The following ZNF585A variants were observed in gnomAD, a reference collection of about 807,000 sequenced individuals.
The protein encoded by ZNF585A is zinc finger protein 585A.
ZNF585A carries 9 observed loss-of-function variants against 14.9 expected under a neutral mutation model. The ratio of observed to expected loss-of-function variants is 0.60; its 90% CI spans 0.36 to 1.05. The LOEUF is 1.05. ZNF585A is among the 50% of genes least tolerant of loss of function. The pLI is 0.01. For missense variants in ZNF585A, 726 were observed against 926.4 expected, an observed-to-expected ratio of 0.78 and a Z score of 2.81; for synonymous variants, 276 against 319.9, an observed-to-expected ratio of 0.86 and a Z score of 1.46.
At chr19:37,154,997 CTTTT>C (rs756330115) in intron 4 of ZNF585A, among the ~76,000 whole-genome samples, 7 of 113,624 alleles carry the variant, frequency 6.2e-5, no homozygotes, top group African/African-American at 2.1e-4. Flanking sequence ...AAAGAAAGAT[CTTTT>C]TTTTTTTTTT....
intron 2 of ZNF585A, among the ~76,000 whole-genome samples, chr19:37,163,949 A>C (rs929754102): frequency 2.0e-5 from 3 of 152,170 alleles, no homozygotes; most frequent in Non-Finnish European, 4.4e-5. Context: ...AAGATGACCA[A>C]AGGCATATCT....
chr19:37,171,503 C>G (rs1972179555), intron 1 of ZNF585A, among the ~76,000 whole-genome samples: 1 of 152,176 alleles, frequency 6.6e-6, no homozygotes, highest in South Asian at 2.1e-4. Context: ...GCAACAATAT[C>G]CACTGCTGGA....
chr19:37,149,366 C>G lies in ZNF585A; in HGVS notation c.*2223G>C, dbSNP rs1020498724. ...ATACGGGTATATGCATATACATATA[C>G]GTAAGTATTATAATATTGTTACAAT... is the stretch of plus-strand genomic sequence containing the variant. On this transcript the variant is annotated 3_prime_UTR_variant, in exon 5 of 5. Coordinates refer to ENST00000292841, the MANE Select transcript of ZNF585A (RefSeq NM_001288800.2). 3.3e-5 allele frequency: 5 copies of G among 151,928 alleles called. No individual in the cohort carries two copies. Among genetic ancestry groups the G allele is most frequent in the African/African-American group, 9.7e-5 (4 of 41,358 alleles). The allele number at this position is 151,928 out of a possible 1,614,324, so 9.4% of individuals were successfully genotyped here.
chr19:37,156,163 C>T, intron 3 of ZNF585A, 66 bp downstream of exon 3: 1 of 1,595,262 alleles, frequency 6.3e-7, no homozygotes, highest in Non-Finnish European at 8.5e-7. Flanking sequence ...GGACAGCATT[C>T]ACCAACTGAG....
intron 2 of ZNF585A, among the ~76,000 whole-genome samples, chr19:37,160,741 C>T (rs971799570): frequency 3.1e-4 from 47 of 151,982 alleles, no homozygotes; most frequent in African/African-American, 1.1e-3. Flanking sequence ...AAAACTCAAA[C>T]CTTTGAAAAT....
intron 2 of ZNF585A, among the ~76,000 whole-genome samples, chr19:37,161,025 A>G (rs1972005965): frequency 2.6e-5 from 4 of 152,002 alleles, no homozygotes; most frequent in Admixed American, 1.3e-4. Context: ...ATATCACCAT[A>G]CCCAGCTTTT....
intron 2 of ZNF585A, among the ~76,000 whole-genome samples, chr19:37,163,132 T>C (rs1972035978): frequency 6.6e-6 from 1 of 152,196 alleles, no homozygotes; most frequent in Non-Finnish European, 1.5e-5. Context: ...GACAATGTCA[T>C]GTTAGGCTAG....
chr19:37,168,849 T>C (rs553708076), intron 2 of ZNF585A, among the ~76,000 whole-genome samples: 1 of 152,266 alleles, frequency 6.6e-6, no homozygotes, highest in African/African-American at 2.4e-5. Context: ...TAGTCTACTA[T>C]GGCACCTTTT....
chr19:37,168,858 T>C (rs992783429), intron 2 of ZNF585A, among the ~76,000 whole-genome samples: 2 of 152,010 alleles, frequency 1.3e-5, no homozygotes, highest in Non-Finnish European at 2.9e-5. Context: ...ATGGCACCTT[T>C]TGTGAAATAG....
Position 37,172,056 on chromosome 19 carries a change from AT to A in ZNF585A, c.-145+570del, listed in dbSNP as rs1972191549. ...AAATAATCTGTGAGGAGACAGATAT[AT>A]TTTTTGAATATATGCTTAATTAATA... On this transcript the variant is annotated intron_variant, in intron 1 of 4. Transcript: ENST00000292841. Among the ~76,000 whole-genome samples, 4 of 152,336 alleles carry A rather than the reference AT, an allele frequency of 2.6e-5. No homozygotes were observed. The South Asian group carries it at 6.2e-4, about 24-fold the overall frequency.
rs1971763683 is a variant in ZNF585A at position 37,147,816 on chromosome 19, C to T, written c.*3773G>A. 6.6e-6 allele frequency: 1 copy of T among 152,158 alleles called. No homozygotes were observed. Among genetic ancestry groups the T allele is most frequent in the Non-Finnish European group, 1.5e-5 (1 of 68,024 alleles). The allele number at this position is 152,158 out of a possible 1,614,324, so 9.4% of individuals were successfully genotyped here. On this transcript the variant is annotated 3_prime_UTR_variant, in exon 5 of 5. Coordinates refer to ENST00000292841, the MANE Select transcript of ZNF585A (RefSeq NM_001288800.2). ...ACATGGTTTACCTAAAATACAACAG[C>T]ACTTTTGAGATTCATCCATGTTGTA...
At position 37,169,905 on chromosome 19, in the gene ZNF585A, T is replaced by C. The variant is rs775823729; in HGVS notation, c.6A>G (p.Pro2=). M[P]ANWTSPQKSS... is the part of the protein sequence containing the mutation. ...ATTTCTGAGGTGAGGTCCAATTAGC[T>C]GGCATGGCCACACTGGGTCTCAACC... Residue 2 remains proline (P), a synonymous_variant, in exon 2 of 5, where the codon CCA becomes CCG. Transcript: ENST00000292841. 5 of 1,612,906 alleles carry C rather than the reference T, an allele frequency of 3.1e-6. No homozygotes were observed. In the African/African-American group the frequency reaches 6.7e-5, roughly 22 times the overall value.
In ZNF585A at chr19:37,152,310, G is replaced by A. The variant is rs147240109; in HGVS notation, c.1589C>T (p.Ala530Val). The stretch of plus-strand genomic sequence containing the variant: ...ATTGAGGTGTGACTTCTGAGTGAAG[G>A]CTTTTCCACAAGTATTGCATTCATA... ...KPYECNTCGK[A>V]FTQKSHLNIH... Residue 530 changes from alanine (A) to valine (V), a missense_variant, in exon 5 of 5, where the codon GCC becomes GTC. By Grantham distance (64) the Ala-to-Val change is moderately conservative (BLOSUM62 0). This residue lies in a region of ZNF585A where 243 missense variants were observed against 383.6 expected (regional missense o/e 0.63). Transcript: ENST00000292841. 16 of 1,614,034 alleles carry A rather than the reference G, an allele frequency of 9.9e-6. No homozygotes were observed. The African/African-American group carries it at 1.7e-4, about 18-fold the overall frequency.
At chr19:37,161,347 C>T (rs1972010472) in intron 2 of ZNF585A, among the ~76,000 whole-genome samples, 1 of 152,162 alleles carries the variant, frequency 6.6e-6, no homozygotes, top group Admixed American at 6.5e-5. Context: ...CCTTATGAAT[C>T]TGTAATAATT....
rs755696119 is a variant in ZNF585A, at chr19:37,169,937, C to T, written c.-27G>A. The T allele has an allele frequency of 6.2e-7, 1 of 1,607,472 alleles. No homozygotes were observed. Among genetic ancestry groups the T allele is most frequent in the South Asian group, 1.1e-5 (1 of 90,552 alleles). ...GCCACACTGGGTCTCAACCCTTTTT[C>T]TGTAGGGTGTCTGAAGCTTGGCAGT... On this transcript the variant is annotated 5_prime_UTR_variant, in exon 2 of 5. Coordinates refer to ENST00000292841, the MANE Select transcript of ZNF585A (RefSeq NM_001288800.2).
chr19:37,160,425 CAGAA>C, intron 2 of ZNF585A, among the ~76,000 whole-genome samples: 1 of 150,812 alleles, frequency 6.6e-6, no homozygotes, highest in East Asian at 1.9e-4. Context: ...CAAAAGCAAG[CAGAA>C]GGAACTAAAT....
At chr19:37,161,993 G>A (rs1273284802) in intron 2 of ZNF585A, among the ~76,000 whole-genome samples, 7 of 151,988 alleles carry the variant, frequency 4.6e-5, no homozygotes, top group African/African-American at 1.4e-4. Context: ...GCGCAATCTC[G>A]GCTCACTGCA....
At chr19:37,167,153 T>G (rs962172463) in intron 2 of ZNF585A, among the ~76,000 whole-genome samples, 4 of 151,806 alleles carry the variant, frequency 2.6e-5, no homozygotes, top group Non-Finnish European at 5.9e-5. Flanking sequence ...AACTTTAAAA[T>G]GCACTACTTT....
intron 4 of ZNF585A, 65 bp downstream of exon 4, chr19:37,155,800 T>C: frequency 2.6e-6 from 4 of 1,562,854 alleles, no homozygotes; most frequent in Non-Finnish European, 3.5e-6. Flanking sequence ...GGTGTTGGTG[T>C]TTCTCAAGAC....
Sources: gnomAD v4.1 joint callset for allele counts (sites outside exome capture counted in the v4.1 genomes callset) on GRCh38, gnomAD v4.1.1 for gene constraint, gnomAD v4.1.1 regional missense constraint, MANE v1.5 for transcripts, NCBI Gene and HGNC (gene_info 2026-07-23, HGNC 2026-07-21) for gene names.